PCDHA10: variants seen among roughly 807,000 people sequenced by gnomAD.
The protein encoded by PCDHA10 is protocadherin alpha 10, also known as protocadherin alpha-10.
A neutral mutation model predicts 61.2 loss-of-function variants in PCDHA10; 45 were observed. The observed-to-expected ratio is 0.74, with a 90% CI of 0.58 to 0.94. The LOEUF (loss-of-function observed/expected upper bound fraction) is 0.94. Ranked by LOEUF, PCDHA10 falls within the 40% of genes least tolerant of loss-of-function variation. The pLI, the probability that PCDHA10 is intolerant of heterozygous loss-of-function variation, is 0.00. For missense variants in PCDHA10, 1,278 were observed against 1,236.2 expected (o/e 1.03, Z -0.51); for synonymous variants, 602 against 548.8 (o/e 1.10, Z -1.35).
intron 1 of PCDHA10, chr5:140,926,694 G>T: frequency 4.0e-6 from 3 of 746,722 alleles, no homozygotes; most frequent in Non-Finnish European, 5.8e-6. Flanking sequence ...TAGCAAGCCC[G>T]GCTCCCAGCT....
intron 1 of PCDHA10, among the ~76,000 whole-genome samples, chr5:140,965,377 A>T (rs1479954226): frequency 6.6e-6 from 1 of 152,190 alleles, no homozygotes; most frequent in African/African-American, 2.4e-5. Context: ...AAACTTGGGG[A>T]CACAGAAGAA....
chr5:140,923,339 A>C (rs1341190939), intron 1 of PCDHA10, among the ~76,000 whole-genome samples: 2 of 152,154 alleles, frequency 1.3e-5, no homozygotes, highest in Non-Finnish European at 2.9e-5. Context: ...CAGTTTGGGC[A>C]ACATAGTGGG....
At chr5:140,941,214 C>CCTTCCTTTCTTTCTTTCTTT (rs1554214040) in intron 1 of PCDHA10, among the ~76,000 whole-genome samples, 29 of 122,492 alleles carry the variant, frequency 2.4e-4, no homozygotes, top group South Asian at 5.9e-4. Flanking sequence ...TTTCTTTCTT[C>CCTTCCTTTCTTTCTTTCTTT]CTTTCTTTCT....
intron 1 of PCDHA10, chr5:140,868,781 A>G (rs868977486): frequency 3.0e-5 from 9 of 299,116 alleles, no homozygotes; most frequent in African/African-American, 1.5e-4. Flanking sequence ...ATGACTTATA[A>G]TCTGAATATT....
rs1554148765 is a variant in PCDHA10 at position 140,856,485 on chromosome 5, T to C, written c.437T>C (p.Leu146Pro). ...EQKLSIPESR[L>P]LDSRFPLEGA... Reference sequence around the variant, plus strand: ...AAGCTCTCAATACCTGAATCCAGACTGCTTGACTCTCGATTTCCACTAGAA... The same window carrying C: ...AAGCTCTCAATACCTGAATCCAGACCGCTTGACTCTCGATTTCCACTAGAA... Residue 146 changes from leucine (L) to proline (P), a missense_variant, in exon 1 of 4, where the codon CTG becomes CCG. Physicochemically the swap from Leu to Pro is moderately conservative, Grantham distance 98. Transcript: ENST00000307360. 6.3e-7 allele frequency: 1 copy of C among 1,598,290 alleles called. No homozygotes were observed. Among genetic ancestry groups the C allele is most frequent in the East Asian group, 2.2e-5 (1 of 44,872 alleles).
intron 3 of PCDHA10, among the ~76,000 whole-genome samples, chr5:141,007,365 A>G (rs1027558453): frequency 6.7e-6 from 1 of 149,886 alleles, no homozygotes; most frequent in African/African-American, 2.5e-5. Context: ...AGCCTGGGCA[A>G]CATGATGGAA....
intron 3 of PCDHA10, among the ~76,000 whole-genome samples, chr5:140,985,922 G>A (rs1361292887): frequency 6.6e-6 from 1 of 151,826 alleles, no homozygotes; most frequent in African/African-American, 2.4e-5. Flanking sequence ...TGTATTTTTA[G>A]TAGAGCCGGG....
chr5:140,977,850 T>C (rs1416064195), intron 1 of PCDHA10, among the ~76,000 whole-genome samples: 5 of 152,236 alleles, frequency 3.3e-5, no homozygotes, highest in African/African-American at 1.2e-4. Flanking sequence ...TATGGCTTTG[T>C]TTCTACCAAA....
At chr5:140,863,393 C>G (rs782189753) in intron 1 of PCDHA10, 2 of 924,736 alleles carry the variant, frequency 2.2e-6, no homozygotes, top group Non-Finnish European at 3.3e-6. Flanking sequence ...TCGTGCATGC[C>G]GGGCAAGCCC....
chr5:141,006,974 G>A (rs782657772), intron 3 of PCDHA10, among the ~76,000 whole-genome samples: 6 of 152,174 alleles, frequency 3.9e-5, no homozygotes, highest in Admixed American at 3.9e-4. Context: ...GGAGCACAGA[G>A]AGATGTGGGC....
chr5:140,891,885 C>T (rs546305739), intron 1 of PCDHA10, among the ~76,000 whole-genome samples: 22 of 152,288 alleles, frequency 1.4e-4, no homozygotes, highest in African/African-American at 2.2e-4. Context: ...TGTCATGTGA[C>T]GATGCAGCAA....
chr5:140,948,107 C>T (rs1156492592), intron 1 of PCDHA10, among the ~76,000 whole-genome samples: 3 of 151,432 alleles, frequency 2.0e-5, no homozygotes, highest in Middle Eastern at 3.2e-3. Flanking sequence ...GATTTTTCTT[C>T]GTTTTACTAA....
chr5:140,972,512 C>T (rs1586536091), intron 1 of PCDHA10, among the ~76,000 whole-genome samples: 1 of 152,018 alleles, frequency 6.6e-6, no homozygotes, highest in Non-Finnish European at 1.5e-5. Context: ...GATTTTACCC[C>T]CAGTGAGCTT....
At chr5:140,968,455 G>C in intron 1 of PCDHA10, 2 of 1,614,084 alleles carry the variant, frequency 1.2e-6, no homozygotes, top group Non-Finnish European at 1.7e-6. Context: ...GCAGCACTGT[G>C]ACTGCCAACG....
At chr5:140,952,449 G>C (rs549255236) in intron 1 of PCDHA10, among the ~76,000 whole-genome samples, 1 of 152,242 alleles carries the variant, frequency 6.6e-6, no homozygotes. Context: ...AATACAGCCA[G>C]GCTCTTTGCT....
intron 1 of PCDHA10, among the ~76,000 whole-genome samples, chr5:140,966,033 G>C (rs772770928): frequency 6.6e-6 from 1 of 152,138 alleles, no homozygotes; most frequent in African/African-American, 2.4e-5. Context: ...CAGGTGAATA[G>C]TTCCCATCGC....
intron 1 of PCDHA10, among the ~76,000 whole-genome samples, chr5:140,947,550 G>A (rs967081376): frequency 7.3e-5 from 11 of 151,402 alleles, no homozygotes; most frequent in Admixed American, 3.9e-4. Flanking sequence ...AAAGAATTCC[G>A]CTGGGATTTA....
chr5:140,926,570 G>A (rs2083360845), intron 1 of PCDHA10: 1 of 267,246 alleles, frequency 3.7e-6, no homozygotes, highest in African/African-American at 2.2e-5. Flanking sequence ...TGCTACTGGA[G>A]ACAGCACCTC....
chr5:140,981,685 C>T (rs369964011), intron 2 of PCDHA10, among the ~76,000 whole-genome samples: 1 of 152,048 alleles, frequency 6.6e-6, no homozygotes, highest in African/African-American at 2.4e-5. Flanking sequence ...TTCCTCCCTT[C>T]CATCATTCAT....
Sources: allele counts gnomAD v4.1 joint callset (sites outside exome capture counted in the v4.1 genomes callset), GRCh38; gene constraint gnomAD v4.1.1; transcripts MANE v1.5; gene names NCBI Gene and HGNC (gene_info 2026-07-23, HGNC 2026-07-21).